PLEKHM3: variants seen among roughly 807,000 people sequenced by gnomAD.
The protein encoded by PLEKHM3 is pleckstrin homology domain containing M3, also known as pleckstrin homology domain-containing family M member 3.
Under a neutral mutation model 81.8 loss-of-function variants are expected in PLEKHM3, and 45 were observed. The observed-to-expected ratio is 0.55, with a 90% confidence interval of 0.43 to 0.71. The LOEUF (loss-of-function observed/expected upper bound fraction) is 0.71. PLEKHM3 is among the 30% of genes least tolerant of loss of function. PLEKHM3 has a pLI of 0.00. For missense variants in PLEKHM3, 788 were observed against 924.3 expected (o/e 0.85, Z 1.91); for synonymous variants, 352 against 356.4 (o/e 0.99, Z 0.14).
chr2:208,009,650 A>G (rs184391504), intron 1 of PLEKHM3, among the ~76,000 whole-genome samples: 4 of 152,334 alleles, frequency 2.6e-5, no homozygotes, highest in Admixed American at 2.0e-4. Flanking sequence ...TACTGGACTT[A>G]GAGGAACTTG....
intron 1 of PLEKHM3, among the ~76,000 whole-genome samples, chr2:208,003,002 T>C (rs1208531909): frequency 6.6e-6 from 1 of 152,080 alleles, no homozygotes; most frequent in Non-Finnish European, 1.5e-5. Flanking sequence ...GCAACACCAT[T>C]ATATATTGAC....
At chr2:207,942,735 C>A (rs1376020481) in intron 4 of PLEKHM3, among the ~76,000 whole-genome samples, 1 of 152,014 alleles carries the variant, frequency 6.6e-6, no homozygotes, top group African/African-American at 2.4e-5. Context: ...CCCGTCTCTA[C>A]TAAAAAATAC....
intron 3 of PLEKHM3, among the ~76,000 whole-genome samples, chr2:207,958,990 T>C (rs1010683738): frequency 6.6e-6 from 1 of 152,180 alleles, no homozygotes; most frequent in Admixed American, 6.5e-5. Flanking sequence ...CCAAGCCATA[T>C]TAGAACCCGA....
chr2:207,955,722 C>T (rs1005605434), intron 3 of PLEKHM3, among the ~76,000 whole-genome samples: 15 of 152,198 alleles, frequency 9.9e-5, no homozygotes, highest in African/African-American at 3.6e-4. Context: ...AGGTAGTTAT[C>T]TCCTTTTGTA....
rs1256843899 is a variant in PLEKHM3, at chr2:207,826,288, A to G, written c.*2031T>C. On this transcript the variant is annotated 3_prime_UTR_variant, in exon 8 of 8. Coordinates refer to ENST00000427836, the MANE Select transcript of PLEKHM3 (RefSeq NM_001080475.3). Reference sequence around the variant, plus strand: ...TTCTCTGAGGCTGGAAAATATAAATACTGTATTTTACCAAGAGGAGGAGGA... The same window carrying G: ...TTCTCTGAGGCTGGAAAATATAAATGCTGTATTTTACCAAGAGGAGGAGGA... The G allele has an allele frequency of 6.6e-6, 1 of 152,084 alleles. No individual in the cohort carries two copies. The highest frequency in any genetic ancestry group is 2.4e-5 in the African/African-American group (1 of 41,378). The allele number at this position is 152,084 out of a possible 1,614,324, so 9.4% of individuals were successfully genotyped here. A position where few individuals can be genotyped will look rare whatever the true frequency, so the allele number is the denominator to read the frequency against.
At chr2:207,885,475 A>C (rs534901330) in intron 6 of PLEKHM3, among the ~76,000 whole-genome samples, 1 of 152,224 alleles carries the variant, frequency 6.6e-6, no homozygotes, top group Non-Finnish European at 1.5e-5. Flanking sequence ...CCGATGTAAA[A>C]TACTGTGTTC....
At position 207,828,430 on chromosome 2, in the gene PLEKHM3, A is replaced by G; in HGVS notation, c.2175T>C (p.Cys725=). The change falls in exon 8 of 8, where the codon TGT becomes TGC. Residue 725 remains cysteine (C), a synonymous_variant. Transcript: ENST00000427836. ...CKEKSVPCPR[C]VRRELQKKQK... ...GCTTCTTCTGCAGCTCTCGGCGAAC[A>G]CACCTCGGGCAGGGGACAGACTTTT... is the stretch of plus-strand genomic sequence containing the variant. 1.9e-6 allele frequency: 3 copies of G among 1,614,088 alleles called. No individual in the cohort carries two copies. The highest frequency in any genetic ancestry group is 2.5e-6 in the Non-Finnish European group (3 of 1,180,028).
chr2:207,876,429 T>A (rs1441487779), intron 6 of PLEKHM3, among the ~76,000 whole-genome samples: 1 of 152,240 alleles, frequency 6.6e-6, no homozygotes, highest in Non-Finnish European at 1.5e-5. Flanking sequence ...CACTTGTCCC[T>A]AATAATATGT....
intron 4 of PLEKHM3, among the ~76,000 whole-genome samples, chr2:207,933,833 C>G (rs1574420429): frequency 1.3e-5 from 2 of 152,220 alleles, no homozygotes; most frequent in East Asian, 3.8e-4. Context: ...ATATGGTGCA[C>G]ATCGCTACCG....
rs58031514 is a variant in PLEKHM3 at position 207,858,180 on chromosome 2, A to ATTT, written c.2108+2922_2108+2924dup. 8.4e-4 allele frequency among the ~76,000 whole-genome samples: 87 copies of ATTT among 103,848 alleles called. 5 individuals are homozygous for ATTT. The highest frequency in any genetic ancestry group is 4.9e-3 in the Middle Eastern group (1 of 204). The allele number at this position is 103,848 out of a possible 152,430, so 68.1% of individuals were successfully genotyped here. A position where few individuals can be genotyped will look rare whatever the true frequency, so the allele number is the denominator to read the frequency against. ...TGTGTGTGTGTGTGTGTGTGTATAT[A>ATTT]TTTTTTTTTTTGAGATGAAGTCTCA... On this transcript the variant is annotated intron_variant, in intron 7 of 7. Transcript: ENST00000427836.
chr2:207,848,448 T>C (rs1353758886), intron 7 of PLEKHM3, among the ~76,000 whole-genome samples: 1 of 152,226 alleles, frequency 6.6e-6, no homozygotes, highest in East Asian at 1.9e-4. Flanking sequence ...CCATGCACTG[T>C]GCCCAGGGGC....
intron 4 of PLEKHM3, among the ~76,000 whole-genome samples, chr2:207,937,507 C>T (rs1689795396): frequency 6.6e-6 from 1 of 151,076 alleles, no homozygotes. Flanking sequence ...GAGTTCAAGG[C>T]TGCAGTGAGT....
chr2:207,872,639 A>C (rs1303181343), intron 6 of PLEKHM3, among the ~76,000 whole-genome samples: 2 of 152,172 alleles, frequency 1.3e-5, no homozygotes, highest in Non-Finnish European at 2.9e-5. Flanking sequence ...GGAGTTTGAG[A>C]CCAGCCTGGC....
intron 3 of PLEKHM3, among the ~76,000 whole-genome samples, chr2:207,971,164 T>G (rs2106017843): frequency 6.6e-6 from 1 of 152,332 alleles, no homozygotes; most frequent in Middle Eastern, 3.4e-3. Context: ...CAGAAACAAG[T>G]CCTTGGGCCC....
chr2:207,838,184 G>A (rs970009789), intron 7 of PLEKHM3, among the ~76,000 whole-genome samples: 1 of 152,032 alleles, frequency 6.6e-6, no homozygotes, highest in African/African-American at 2.4e-5. Context: ...TTGATTCCAG[G>A]GTTCTCATGT....
intron 2 of PLEKHM3, among the ~76,000 whole-genome samples, chr2:207,995,841 T>C (rs937658021): frequency 6.6e-6 from 1 of 152,218 alleles, no homozygotes; most frequent in Non-Finnish European, 1.5e-5. Flanking sequence ...GTTCATGTAT[T>C]CTTCTCTCAT....
At chr2:207,941,939 G>A (rs1053463599) in intron 4 of PLEKHM3, among the ~76,000 whole-genome samples, 1 of 152,146 alleles carries the variant, frequency 6.6e-6, no homozygotes, top group Non-Finnish European at 1.5e-5. Context: ...CAGTTAAAAT[G>A]GCTATTACTC....
intron 6 of PLEKHM3, among the ~76,000 whole-genome samples, chr2:207,881,767 A>AATAAAG (rs1370406118): frequency 6.6e-6 from 1 of 152,024 alleles, no homozygotes; most frequent in Non-Finnish European, 1.5e-5. Flanking sequence ...CCCTTCCTTC[A>AATAAAG]ATTTCCCTTC....
chr2:207,851,634 G>C (rs557909332), intron 7 of PLEKHM3: 1 of 151,498 alleles, frequency 6.6e-6, no homozygotes, highest in Non-Finnish European at 1.5e-5. Flanking sequence ...CAGATACACC[G>C]GAGGCTGAGA....
Sources: allele counts gnomAD v4.1 joint callset (sites outside exome capture counted in the v4.1 genomes callset), GRCh38; gene constraint gnomAD v4.1.1; transcripts MANE v1.5; gene names NCBI Gene and HGNC (gene_info 2026-07-23, HGNC 2026-07-21).